Variants in NBAS observed in about 807,000 individuals in gnomAD.
NBAS encodes NAG/BC035112 fusion.
In NBAS, 219 loss-of-function variants were observed where a neutral mutation model predicts 302.5. That is an observed-to-expected ratio of 0.72 (90% CI 0.65 to 0.81). NBAS has a LOEUF of 0.81. Ranked by LOEUF, NBAS falls within the 30% of genes least tolerant of loss-of-function variation. The pLI is 0.00. For synonymous variants in NBAS, 1,118 were observed against 1,021.6 expected, an observed-to-expected ratio of 1.09 and a Z score of -1.80; for missense variants, 2,932 against 2,841.6, an observed-to-expected ratio of 1.03 and a Z score of -0.72.
At chr2:14,801,657 T>A in the NBAS span, among the ~76,000 whole-genome samples, 1 of 152,162 alleles carries the variant, frequency 6.6e-6, no homozygotes, top group African/African-American at 2.4e-5. Context: ...CCTTTTATTA[T>A]GGGTTATATT....
At chr2:15,292,989 C>CT (rs1200323329) in intron 40 of NBAS, among the ~76,000 whole-genome samples, 1 of 152,140 alleles carries the variant, frequency 6.6e-6, no homozygotes, top group Admixed American at 6.6e-5. Context: ...CCAAAAACAG[C>CT]TTTTTGAACT....
intron 28 of NBAS, 88 bp downstream of exon 28, chr2:15,394,139 A>T: frequency 7.2e-7 from 1 of 1,386,920 alleles, no homozygotes; most frequent in Non-Finnish European, 9.7e-7. Context: ...TATTAGTTAT[A>T]ACACAATGAG....
At chr2:15,550,974 T>C (rs898930545) in intron 6 of NBAS, among the ~76,000 whole-genome samples, 1 of 152,188 alleles carries the variant, frequency 6.6e-6, no homozygotes, top group Non-Finnish European at 1.5e-5. Flanking sequence ...CTCATGGGAT[T>C]TAATTTTTCC....
At chr2:15,086,861 G>A in the NBAS span, among the ~76,000 whole-genome samples, 1 of 152,142 alleles carries the variant, frequency 6.6e-6, no homozygotes, top group Non-Finnish European at 1.5e-5. Context: ...AGAGTGTTTT[G>A]AGATGAGATT....
chr2:15,208,265 T>C (rs1033706837), intron 48 of NBAS, among the ~76,000 whole-genome samples: 3 of 152,186 alleles, frequency 2.0e-5, no homozygotes, highest in African/African-American at 7.2e-5. Context: ...GGGAAATCCC[T>C]TATAAAAACA....
intron 22 of NBAS, among the ~76,000 whole-genome samples, 171 bp from the exon 23 acceptor site, chr2:15,424,639 G>A (rs914664216): frequency 4.6e-5 from 7 of 152,158 alleles, no homozygotes; most frequent in Non-Finnish European, 8.8e-5. Flanking sequence ...AGATAAATGA[G>A]ACTTTTTTGG....
intron 51 of NBAS, among the ~76,000 whole-genome samples, chr2:15,170,461 C>T (rs13397849): frequency 6.6e-6 from 1 of 152,242 alleles, no homozygotes; most frequent in East Asian, 1.9e-4. Flanking sequence ...CCCCGGCCCA[C>T]TCAGAGGTTC....
chr2:15,277,576 A>G (rs1281847903), intron 42 of NBAS, among the ~76,000 whole-genome samples: 1 of 152,246 alleles, frequency 6.6e-6, no homozygotes, highest in Non-Finnish European at 1.5e-5. Context: ...TACATGCAAG[A>G]GTCTTGAATT....
At chr2:15,160,233 C>G in the NBAS span, among the ~76,000 whole-genome samples, 1 of 151,976 alleles carries the variant, frequency 6.6e-6, no homozygotes, top group Non-Finnish European at 1.5e-5. Flanking sequence ...GTAGAAAATG[C>G]CAGGTTCAGA....
At chr2:14,819,534 C>T in the NBAS span, among the ~76,000 whole-genome samples, 1 of 152,184 alleles carries the variant, frequency 6.6e-6, no homozygotes, top group Admixed American at 6.5e-5. Context: ...CATGGAAAAG[C>T]ATAAAACCCA....
At chr2:14,855,496 G>C in the NBAS span, among the ~76,000 whole-genome samples, 856 of 152,156 alleles carry the variant, frequency 5.6e-3, 1 homozygote, top group Non-Finnish European at 9.1e-3. Context: ...TTCACTCTTG[G>C]ATGGCATTTC....
At chr2:14,825,927 C>T in the NBAS span, among the ~76,000 whole-genome samples, 46 of 152,100 alleles carry the variant, frequency 3.0e-4, no homozygotes, top group African/African-American at 1.1e-3. Context: ...CGATGAGATA[C>T]GAGTGAGCAG....
the NBAS span, among the ~76,000 whole-genome samples, chr2:14,980,498 G>A: frequency 6.6e-6 from 1 of 152,128 alleles, no homozygotes; most frequent in African/African-American, 2.4e-5. Context: ...ATAACCTCAG[G>A]TAAAAGACTT....
chr2:15,047,554 A>AAAGGCTGGGCCTGTGCAGGTG, the NBAS span, among the ~76,000 whole-genome samples: 2 of 149,170 alleles, frequency 1.3e-5, no homozygotes, highest in Non-Finnish European at 3.0e-5. Context: ...CCATGCAGGT[A>AAAGGCTGGGCCTGTGCAGGTG]AAGGCTGGGC....
At chr2:14,848,167 C>T in the NBAS span, among the ~76,000 whole-genome samples, 4 of 151,784 alleles carry the variant, frequency 2.6e-5, no homozygotes, top group African/African-American at 7.3e-5. Flanking sequence ...TCTGAGGTAC[C>T]GGGTTCATCT....
chr2:14,855,501 C>T, the NBAS span, among the ~76,000 whole-genome samples: 1 of 152,168 alleles, frequency 6.6e-6, no homozygotes, highest in East Asian at 1.9e-4. Context: ...TCTTGGATGG[C>T]ATTTCTAGAC....
chr2:14,881,603 T>A, the NBAS span, among the ~76,000 whole-genome samples: 1 of 152,236 alleles, frequency 6.6e-6, no homozygotes, highest in Non-Finnish European at 1.5e-5. Context: ...ATTTAAAAAC[T>A]CAGAGAATAC....
chr2:14,927,352 C>A, the NBAS span, among the ~76,000 whole-genome samples: 1 of 152,208 alleles, frequency 6.6e-6, no homozygotes, highest in Non-Finnish European at 1.5e-5. Context: ...CGGCTTGACT[C>A]AGCATATTAT....
At chr2:14,859,872 A>C in the NBAS span, among the ~76,000 whole-genome samples, 1 of 152,262 alleles carries the variant, frequency 6.6e-6, no homozygotes, top group South Asian at 2.1e-4. Context: ...AGCAAAATAA[A>C]CAATCAACAA....
Sources: allele counts gnomAD v4.1 joint callset (sites outside exome capture counted in the v4.1 genomes callset), GRCh38; gene constraint gnomAD v4.1.1; transcripts MANE v1.5; gene names NCBI Gene and HGNC (gene_info 2026-07-23, HGNC 2026-07-21).